Variants in RABGGTB observed in about 807,000 individuals in gnomAD.
RABGGTB encodes the protein Rab geranylgeranyltransferase subunit beta.
Under a neutral mutation model 44.5 loss-of-function variants are expected in RABGGTB, and 20 were observed. The observed-to-expected ratio is 0.45, with a 90% CI of 0.32 to 0.65. RABGGTB has a LOEUF of 0.65. Among genes scored for constraint, RABGGTB ranks in the 30% least tolerant of loss-of-function variants. The pLI is 0.05. For synonymous variants in RABGGTB, 128 were observed against 136.7 expected (o/e 0.94, Z 0.44); for missense variants, 302 against 398.7 (o/e 0.76, Z 2.06).
intron 3 of RABGGTB, chr1:75,789,722 G>A: frequency 1.8e-6 from 1 of 568,522 alleles, no homozygotes; most frequent in Non-Finnish European, 3.1e-6. Flanking sequence ...GTATACTTGA[G>A]TATCTTGGAA....
At chr1:75,786,563 T>G in intron 1 of RABGGTB, 1 of 406,314 alleles carries the variant, frequency 2.5e-6, no homozygotes, top group Non-Finnish European at 4.4e-6. Flanking sequence ...ATTGGTGGCT[T>G]TTTTTTTTCT....
intron 4 of RABGGTB, among the ~76,000 whole-genome samples, chr1:75,791,000 G>A (rs1278579263): frequency 1.3e-5 from 2 of 151,870 alleles, no homozygotes; most frequent in African/African-American, 2.4e-5. Flanking sequence ...ATGTTGCCTC[G>A]GCTAGTCTCA....
In RABGGTB at chr1:75,794,680, G is replaced by A; in HGVS notation, c.*30G>A. 1 of 1,507,288 alleles carries A rather than the reference G, an allele frequency of 6.6e-7. No individual in the cohort carries two copies. 93.4% of individuals were successfully genotyped at this position (1,507,288 alleles called of 1,614,324 possible). On this transcript the variant is annotated 3_prime_UTR_variant, in exon 9 of 9. Transcript: ENST00000319942. ...ATTGAATTGAAAGTTGCATAGTATA[G>A]TTTTGCCATTTTAACATTTCTGTAT...
chr1:75,788,971 A>T (rs901199734), intron 2 of RABGGTB, 188 bp from the exon 3 acceptor site: 4 of 585,940 alleles, frequency 6.8e-6, no homozygotes, highest in Admixed American at 6.4e-5. Context: ...TTTTTCTGAT[A>T]ATAGTTGTGT....
upstream of RABGGTB, chr1:75,786,229 T>G (rs1570925646): frequency 6.2e-7 from 1 of 1,613,794 alleles, no homozygotes; most frequent in Non-Finnish European, 8.5e-7. Context: ...GGCTCCTAAG[T>G]CTACCCAGGA....
intron 1 of RABGGTB, chr1:75,786,780 C>T (rs1649500146): frequency 1.0e-5 from 3 of 298,212 alleles, no homozygotes; most frequent in South Asian, 2.9e-5. Flanking sequence ...TCTGCAAATA[C>T]AGAGACTCGG....
chr1:75,791,523 T>C lies in RABGGTB; in HGVS notation c.531T>C (p.Phe177=). The C allele has an allele frequency of 6.2e-7, 1 of 1,613,392 alleles. No individual in the cohort carries two copies. The highest frequency in any genetic ancestry group is 1.1e-5 in the South Asian group (1 of 91,012). ...AIEFVLSCMN[F]DGGFGCRPGS... ...AATTTGTTTTATCCTGTATGAACTT[T>C]GACGGTGGATTTGGTTGCAGACCAG... Residue 177 remains phenylalanine, a synonymous_variant, in exon 6 of 9, where the codon TTT becomes TTC. Coordinates refer to ENST00000319942, the MANE Select transcript of RABGGTB (RefSeq NM_004582.4).
chr1:75,791,378 A>C (rs1331649682), intron 5 of RABGGTB, 41 bp downstream of exon 5: 2 of 1,581,614 alleles, frequency 1.3e-6, no homozygotes, highest in African/African-American at 2.7e-5. Context: ...AAAGTTCATG[A>C]ATACTCTGGA....
At position 75,789,986 on chromosome 1, in the gene RABGGTB, A is replaced by C. The variant is rs1309772018; in HGVS notation, c.344A>C (p.Asp115Ala). The part of the protein sequence containing the change: ...LTLYDSINVI[D>A]VNKVVEYVKG... ...CTGTATGACAGTATTAATGTTATTG[A>C]CGTAAATAAAGTTGTGGAATATGTT... Residue 115 changes from aspartate to alanine, a missense_variant, in exon 4 of 9, where the codon GAC (aspartate) becomes GCC (alanine). Transcript: ENST00000319942. 1 of 1,611,768 alleles carries C rather than the reference A, an allele frequency of 6.2e-7. No individual in the cohort carries two copies. Among genetic ancestry groups the C allele is most frequent in the East Asian group, 2.2e-5 (1 of 44,846 alleles).
At chr1:75,791,817 T>C (rs1649653775) in intron 6 of RABGGTB, 3 of 454,268 alleles carry the variant, frequency 6.6e-6, no homozygotes, top group African/African-American at 4.0e-5. Context: ...AAAACACTTT[T>C]GTTTTCCATT....
rs1321706298 is a variant in RABGGTB at position 75,795,084 on chromosome 1, T to C, written c.*434T>C. The C allele has an allele frequency of 1.1e-5, 3 of 272,846 alleles. No homozygotes were observed. The highest frequency in any genetic ancestry group is 4.5e-5 in the African/African-American group (2 of 43,958). The allele number at this position is 272,846 out of a possible 1,614,324, so 16.9% of individuals were successfully genotyped here. A position where few individuals can be genotyped will look rare whatever the true frequency, so the allele number is the denominator to read the frequency against. On this transcript the variant is annotated 3_prime_UTR_variant, in exon 9 of 9. Coordinates refer to ENST00000319942, the MANE Select transcript of RABGGTB (RefSeq NM_004582.4). ...ATAAATGGCTGTTGAAATTTGGAAATGATTGATAGGTTTGAATATGGTTAT... is the reference window on the plus strand; with the variant it reads ...ATAAATGGCTGTTGAAATTTGGAAACGATTGATAGGTTTGAATATGGTTAT...
At chr1:75,790,774 G>A (rs1056714816) in intron 4 of RABGGTB, among the ~76,000 whole-genome samples, 2 of 152,036 alleles carry the variant, frequency 1.3e-5, no homozygotes, top group African/African-American at 4.8e-5. Flanking sequence ...CACCTCCCAA[G>A]CTCAAGCAAT....
chr1:75,794,687 C>T lies in RABGGTB; in HGVS notation c.*37C>T. The T allele has an allele frequency of 6.7e-7, 1 of 1,485,062 alleles. No homozygotes were observed. Among genetic ancestry groups the T allele is most frequent in the Non-Finnish European group, 9.0e-7 (1 of 1,107,576 alleles). The allele number at this position is 1,485,062 out of a possible 1,614,324, so 92.0% of individuals were successfully genotyped here. On this transcript the variant is annotated 3_prime_UTR_variant, in exon 9 of 9. Transcript: ENST00000319942. ...TGAAAGTTGCATAGTATAGTTTTGC[C>T]ATTTTAACATTTCTGTATTTGAAGT...
chr1:75,794,942 T>C lies in RABGGTB; in HGVS notation c.*292T>C, dbSNP rs932172253. 6 of 184,270 alleles carry C rather than the reference T, an allele frequency of 3.3e-5. No individual in the cohort carries two copies. Among genetic ancestry groups the C allele is most frequent in the Non-Finnish European group, 5.6e-5 (5 of 89,100 alleles). The allele number at this position is 184,270 out of a possible 1,614,324, so 11.4% of individuals were successfully genotyped here. ...TAACTCTAGGTTTCTACTTGATTTT[T>C]CCCCCATGTATACCTTTCATCTGTT... On this transcript the variant is annotated 3_prime_UTR_variant, in exon 9 of 9. Transcript: ENST00000319942.
intron 6 of RABGGTB, 116 bp downstream of exon 6, chr1:75,791,687 T>C (rs942276697): frequency 6.0e-6 from 5 of 832,898 alleles, no homozygotes; most frequent in Non-Finnish European, 9.5e-6. Flanking sequence ...TCGACTGTAA[T>C]AGGGCATCTT....
intron 2 of RABGGTB, chr1:75,788,904 C>G (rs905759736): frequency 2.1e-6 from 1 of 483,086 alleles, no homozygotes; most frequent in African/African-American, 1.9e-5. Context: ...GAAACTAAAG[C>G]ACTGTTTGTA....
intron 3 of RABGGTB, 88 bp downstream of exon 3, chr1:75,789,444 A>G: frequency 1.5e-6 from 2 of 1,372,692 alleles, no homozygotes; most frequent in Middle Eastern, 1.8e-4. Flanking sequence ...GATTTGGTCA[A>G]AAAGTTTTGT....
At chr1:75,786,907 C>G (rs1466884992) in intron 1 of RABGGTB, 2 of 334,634 alleles carry the variant, frequency 6.0e-6, no homozygotes, top group African/African-American at 4.5e-5. Flanking sequence ...AATTCGCTTG[C>G]AAGTTAAGGG....
intron 1 of RABGGTB, chr1:75,787,116 T>C: frequency 1.9e-6 from 1 of 536,304 alleles, no homozygotes; most frequent in Non-Finnish European, 3.7e-6. Flanking sequence ...AAGTTGATTA[T>C]TACTACTTTA....
Sources: allele counts gnomAD v4.1 joint callset (sites outside exome capture counted in the v4.1 genomes callset), GRCh38; gene constraint gnomAD v4.1.1; transcripts MANE v1.5; gene names NCBI Gene and HGNC (gene_info 2026-07-23, HGNC 2026-07-21).